SLC5A8: variants seen among roughly 807,000 people sequenced by gnomAD.
The protein encoded by SLC5A8 is sodium-coupled monocarboxylate transporter 1.
Under a neutral mutation model 71.9 loss-of-function variants are expected in SLC5A8, and 55 were observed. The observed-to-expected ratio is 0.77, with a 90% CI of 0.62 to 0.96. The LOEUF (loss-of-function observed/expected upper bound fraction) is 0.96, where lower values mean the gene tolerates loss of function less well. SLC5A8 is among the 40% of genes least tolerant of loss of function. The pLI, the probability that SLC5A8 is intolerant of heterozygous loss-of-function variation, is 0.00. For missense variants in SLC5A8, 701 were observed against 745.3 expected (o/e 0.94, Z 0.69); for synonymous variants, 307 against 276.1 (o/e 1.11, Z -1.11).
chr12:101,195,742 G>C (rs1869146956), intron 3 of SLC5A8, among the ~76,000 whole-genome samples: 1 of 141,050 alleles, frequency 7.1e-6, no homozygotes. Context: ...TTGTTACCAG[G>C]CTGGAGTGCA....
At position 101,157,341 on chromosome 12, in the gene SLC5A8, C is replaced by T; in HGVS notation, c.1771G>A (p.Ala591Thr). ...PVEDGGTDNP[A>T]FNHIELNSDQ... ...GAGTTCAATTCAATGTGGTTGAAAG[C>T]AGGATTATCAGTTCCACCATCTTCC... The change falls in exon 15 of 15, where the codon GCT (alanine) becomes ACT (threonine). Residue 591 changes from alanine to threonine, a missense_variant. Physicochemically the swap from Ala to Thr is moderately conservative, Grantham distance 58. Coordinates refer to ENST00000536262, the MANE Select transcript of SLC5A8 (RefSeq NM_145913.5). 1.2e-6 allele frequency: 2 copies of T among 1,613,116 alleles called. No individual in the cohort carries two copies. Among genetic ancestry groups the T allele is most frequent in the Non-Finnish European group, 1.7e-6 (2 of 1,179,556 alleles).
chr12:101,194,326 A>G (rs1315409238), intron 4 of SLC5A8, among the ~76,000 whole-genome samples: 2 of 152,194 alleles, frequency 1.3e-5, no homozygotes, highest in African/African-American at 4.8e-5. Flanking sequence ...TCCAGCACCT[A>G]AAGGGTTAAG....
intron 7 of SLC5A8, among the ~76,000 whole-genome samples, chr12:101,187,065 T>C (rs1868674477): frequency 6.6e-6 from 1 of 152,144 alleles, no homozygotes; most frequent in Non-Finnish European, 1.5e-5. Context: ...CAATGGTTTG[T>C]GTAGTTTAAA....
chr12:101,177,485 A>C (rs1424848889), intron 10 of SLC5A8, among the ~76,000 whole-genome samples: 1 of 150,824 alleles, frequency 6.6e-6, no homozygotes, highest in African/African-American at 2.4e-5. Context: ...ACACGCATGC[A>C]TGCACACACA....
chr12:101,169,733 C>A (rs2051810112), intron 10 of SLC5A8, among the ~76,000 whole-genome samples: 1 of 152,152 alleles, frequency 6.6e-6, no homozygotes, highest in Non-Finnish European at 1.5e-5. Context: ...AGCCTAACTA[C>A]ATTATTAGTT....
In SLC5A8 at chr12:101,157,286, C is replaced by T. The variant is rs779126291; in HGVS notation, c.1826G>A (p.Arg609His). Residue 609 changes from arginine to histidine, a missense_variant, in exon 15 of 15, where the codon CGT (arginine) becomes CAT (histidine). Transcript: ENST00000536262. ...TCTAGTATCAGAGCAGCTTCACAAA[C>T]GAGTCCCATTGCTCTTGCCACTCTG... ...SDQSGKSNGT[R>H]L The T allele has an allele frequency of 5.7e-5, 92 of 1,612,358 alleles. No homozygotes were observed. The highest frequency in any genetic ancestry group is 3.6e-4 in the East Asian group (16 of 44,822).
At position 101,162,003 on chromosome 12, in the gene SLC5A8, A is replaced by G. The variant is rs1241843547; in HGVS notation, c.1601T>C (p.Leu534Ser). 1.9e-6 allele frequency: 3 copies of G among 1,613,184 alleles called. No individual in the cohort carries two copies. In the African/African-American group the frequency reaches 4.0e-5, roughly 22 times the overall value. The change falls in exon 13 of 15, where the codon TTA becomes TCA. Residue 534 changes from leucine (L) to serine (S), a missense_variant. Coordinates refer to ENST00000536262, the MANE Select transcript of SLC5A8 (RefSeq NM_145913.5). ...FSTVGTLVTLLVGILVSLSTG... is the reference protein window; with the variant it reads ...FSTVGTLVTLSVGILVSLSTG... ...TGATAAACTGACAAGTATCCCCACTAATAATGTTACCAAAGTTCCAACAGT... is the reference window on the plus strand; with the variant it reads ...TGATAAACTGACAAGTATCCCCACTGATAATGTTACCAAAGTTCCAACAGT...
Position 101,157,049 on chromosome 12 carries a change from G to T in SLC5A8, c.*230C>A, listed in dbSNP as rs1274779506. 4.4e-6 allele frequency: 2 copies of T among 456,788 alleles called. No homozygotes were observed. The highest frequency in any genetic ancestry group is 7.7e-6 in the Non-Finnish European group (2 of 259,594). 28.3% of individuals were successfully genotyped at this position (456,788 alleles called of 1,614,324 possible). A position where few individuals can be genotyped will look rare whatever the true frequency, so the allele number is the denominator to read the frequency against. On this transcript the variant is annotated 3_prime_UTR_variant, in exon 15 of 15. Transcript: ENST00000536262. ...CAATTTTCACAATTATAGCTTCATC[G>T]AAATAAAGGAAAGAGAGGGAAATGT...
At chr12:101,203,354 CTT>C (rs796425589) in intron 2 of SLC5A8, among the ~76,000 whole-genome samples, 1 of 147,230 alleles carries the variant, frequency 6.8e-6, no homozygotes. Context: ...GCTTTTTTTC[CTT>C]TTTTTTTTTG....
chr12:101,181,181 T>C (rs2051928737), intron 9 of SLC5A8, among the ~76,000 whole-genome samples: 1 of 152,230 alleles, frequency 6.6e-6, no homozygotes, highest in South Asian at 2.1e-4. Flanking sequence ...ACGTATTGAG[T>C]AAATAATGCA....
intron 1 of SLC5A8, among the ~76,000 whole-genome samples, chr12:101,205,181 C>CA (rs1869626329): frequency 6.6e-6 from 1 of 152,230 alleles, no homozygotes; most frequent in South Asian, 2.1e-4. Context: ...GATACAAAGA[C>CA]AAAAAATGAC....
At chr12:101,185,798 G>A (rs1468909529) in intron 7 of SLC5A8, among the ~76,000 whole-genome samples, 1 of 152,024 alleles carries the variant, frequency 6.6e-6, no homozygotes, top group Admixed American at 6.6e-5. Context: ...GGCTGGTCTC[G>A]AACTCCTGAC....
intron 10 of SLC5A8, 59 bp from the exon 11 acceptor site, chr12:101,168,241 A>G: frequency 6.8e-7 from 1 of 1,478,442 alleles, no homozygotes; most frequent in Non-Finnish European, 9.2e-7. Context: ...CAAATATTTC[A>G]AAGTCATTTC....
At chr12:101,197,998 T>G (rs572118393) in intron 3 of SLC5A8, among the ~76,000 whole-genome samples, 1 of 152,162 alleles carries the variant, frequency 6.6e-6, no homozygotes, top group South Asian at 2.1e-4. Context: ...AAAGCAGTAT[T>G]AATTTAGGAA....
At chr12:101,168,206 C>T in intron 10 of SLC5A8, 24 bp from the exon 11 acceptor site, 1 of 1,571,316 alleles carries the variant, frequency 6.4e-7, no homozygotes, top group Non-Finnish European at 8.6e-7. Flanking sequence ...ACAACGTCAG[C>T]AATTAGCAAT....
chr12:101,162,543 C>T (rs770274895), intron 12 of SLC5A8, among the ~76,000 whole-genome samples: 17 of 152,168 alleles, frequency 1.1e-4, no homozygotes, highest in Non-Finnish European at 2.4e-4. Context: ...ACATATACAC[C>T]ATGGAATACC....
chr12:101,187,384 A>C lies in SLC5A8; in HGVS notation c.963+2T>G. On this transcript the variant is annotated splice_donor_variant, in intron 7 of 14. Coordinates refer to ENST00000536262, the MANE Select transcript of SLC5A8 (RefSeq NM_145913.5). LOFTEE classifies it high-confidence loss of function. ...ACCTGTAAGAAAGACATGGTACTGA[A>C]CCTGGTCTGGTGCAGACACTTTCTT... 6.2e-7 allele frequency: 1 copy of C among 1,613,028 alleles called. No individual in the cohort carries two copies. The highest frequency in any genetic ancestry group is 1.7e-4 in the Middle Eastern group (1 of 6,058).
chr12:101,164,112 A>G (rs996289315), intron 12 of SLC5A8, among the ~76,000 whole-genome samples: 6 of 152,232 alleles, frequency 3.9e-5, no homozygotes, highest in African/African-American at 1.4e-4. Context: ...AAACTGAGAA[A>G]CAGAAATAAA....
chr12:101,203,680 C>T (rs1869553251), intron 2 of SLC5A8, among the ~76,000 whole-genome samples: 1 of 152,190 alleles, frequency 6.6e-6, no homozygotes, highest in Admixed American at 6.5e-5. Context: ...AGTGGAATTG[C>T]AATTAGAGAC....
Sources: gnomAD v4.1 joint callset for allele counts (sites outside exome capture counted in the v4.1 genomes callset) on GRCh38, gnomAD v4.1.1 for gene constraint, MANE v1.5 for transcripts, NCBI Gene and HGNC (gene_info 2026-07-23, HGNC 2026-07-21) for gene names.